The following IGF2BP2 variants were observed in gnomAD, a reference collection of about 807,000 sequenced individuals.
IGF2BP2 encodes the protein insulin like growth factor 2 mRNA binding protein 2.
Under a neutral mutation model 75.8 loss-of-function variants are expected in IGF2BP2, and 17 were observed. The ratio of observed to expected loss-of-function variants is 0.22; its 90% CI spans 0.15 to 0.34. IGF2BP2 has a LOEUF of 0.34. Among genes scored for constraint, IGF2BP2 ranks in the 10% least tolerant of loss-of-function variants. The pLI is 1.00. For missense variants in IGF2BP2, 516 were observed against 772.4 expected (o/e 0.67, Z 3.93); for synonymous variants, 288 against 295.6 (o/e 0.97, Z 0.26).
chr3:185,821,922 C>T (rs1443795654), intron 2 of IGF2BP2, among the ~76,000 whole-genome samples: 1 of 151,886 alleles, frequency 6.6e-6, no homozygotes, highest in Non-Finnish European at 1.5e-5. Context: ...ATTGGTTACA[C>T]GTTACATCTT....
intron 14 of IGF2BP2, among the ~76,000 whole-genome samples, chr3:185,648,246 C>G (rs1330242661): frequency 6.6e-6 from 1 of 152,026 alleles, no homozygotes; most frequent in Non-Finnish European, 1.5e-5. Context: ...CACCTGAGGT[C>G]GGGAGTTCGA....
chr3:185,756,901 T>C (rs990038375), intron 2 of IGF2BP2, among the ~76,000 whole-genome samples: 1 of 152,082 alleles, frequency 6.6e-6, no homozygotes, highest in Admixed American at 6.6e-5. Context: ...GCCCAGGAGT[T>C]TGAAGTTTAC....
chr3:185,707,604 C>T (rs950989241), intron 2 of IGF2BP2, among the ~76,000 whole-genome samples: 4 of 151,954 alleles, frequency 2.6e-5, no homozygotes, highest in African/African-American at 7.2e-5. Context: ...ACCGAAGAGC[C>T]TACTTTTACT....
intron 2 of IGF2BP2, among the ~76,000 whole-genome samples, chr3:185,799,698 G>A (rs1461374310): frequency 3.3e-5 from 5 of 151,816 alleles, no homozygotes; most frequent in Non-Finnish European, 7.4e-5. Context: ...CTTGCAGTGA[G>A]CTGAGATTGC....
intron 2 of IGF2BP2, among the ~76,000 whole-genome samples, chr3:185,814,785 G>C (rs537839682): frequency 6.6e-6 from 1 of 152,196 alleles, no homozygotes; most frequent in East Asian, 1.9e-4. Flanking sequence ...CAAAATGCAT[G>C]AGATAAAAGT....
intron 2 of IGF2BP2, among the ~76,000 whole-genome samples, chr3:185,756,532 T>C (rs559705255): frequency 7.8e-4 from 118 of 152,202 alleles, no homozygotes; most frequent in Non-Finnish European, 1.2e-3. Context: ...CTGCCTCTTT[T>C]TTTTTGGCTT....
Position 185,823,111 on chromosome 3 carries a change from T to TG in IGF2BP2, c.239+41_239+42insC, listed in dbSNP as rs776417135. 164 of 1,383,200 alleles carry TG rather than the reference T, an allele frequency of 1.2e-4. 1 individual carries two copies. Among genetic ancestry groups the TG allele is most frequent in the Non-Finnish European group, 1.6e-4 (155 of 994,086 alleles). The allele number at this position is 1,383,200 out of a possible 1,614,324, so 85.7% of individuals were successfully genotyped here. A position where few individuals can be genotyped will look rare whatever the true frequency, so the allele number is the denominator to read the frequency against. On this transcript the variant is annotated intron_variant, in intron 2 of 15. Coordinates refer to ENST00000382199, the MANE Select transcript of IGF2BP2 (RefSeq NM_006548.6). ...TGTGTGTACGTTTTTTACTTATACG[T>TG]AAGGCCAATCGCAAAAAAAAAACTA...
At chr3:185,753,518 CTG>C (rs1188602861) in intron 2 of IGF2BP2, among the ~76,000 whole-genome samples, 1 of 152,204 alleles carries the variant, frequency 6.6e-6, no homozygotes, top group Non-Finnish European at 1.5e-5. Flanking sequence ...GAGTCTGCCT[CTG>C]TGTCACACGA....
At chr3:185,769,912 T>C (rs1578244877) in intron 2 of IGF2BP2, among the ~76,000 whole-genome samples, 1 of 151,418 alleles carries the variant, frequency 6.6e-6, no homozygotes, top group Admixed American at 6.6e-5. Context: ...GTTTCTGTCA[T>C]GCTTACTATC....
chr3:185,687,322 A>G (rs1721284212), intron 6 of IGF2BP2, 131 bp from the exon 7 acceptor site: 2 of 876,882 alleles, frequency 2.3e-6, no homozygotes, highest in Non-Finnish European at 3.4e-6. Flanking sequence ...GCACGTTTGC[A>G]ATCAGTGCCA....
intron 2 of IGF2BP2, among the ~76,000 whole-genome samples, chr3:185,751,441 G>C (rs1011361166): frequency 2.6e-5 from 4 of 151,920 alleles, no homozygotes; most frequent in African/African-American, 7.3e-5. Context: ...AGCCAGGCAT[G>C]GTGGCGCACG....
intron 2 of IGF2BP2, among the ~76,000 whole-genome samples, chr3:185,707,790 T>C (rs1724256171): frequency 6.6e-6 from 1 of 152,204 alleles, no homozygotes; most frequent in Admixed American, 6.5e-5. Flanking sequence ...TCAAGGTTTG[T>C]ATACAATTCC....
chr3:185,771,460 CTAAATA>C lies in IGF2BP2; in HGVS notation c.239+51687_239+51692del, dbSNP rs1189409752. Among the ~76,000 whole-genome samples the C allele has an allele frequency of 3.4e-3, 508 of 150,518 alleles. 1 individual carries two copies. The highest frequency in any genetic ancestry group is 0.012 in the African/African-American group (488 of 40,892). On this transcript the variant is annotated intron_variant, in intron 2 of 15. Transcript: ENST00000382199. ...GTCTCAAAAAAAAAAAAAAAAGAAT[CTAAATA>C]TAATCACTGTTTTAACTGTTTTACA...
chr3:185,673,501 C>A (rs964245273), intron 9 of IGF2BP2, among the ~76,000 whole-genome samples: 3 of 152,116 alleles, frequency 2.0e-5, no homozygotes, highest in Non-Finnish European at 4.4e-5. Context: ...GATCATCTTG[C>A]TTGCTTGCTT....
intron 10 of IGF2BP2, among the ~76,000 whole-genome samples, chr3:185,666,607 C>T (rs554074560): frequency 1.9e-4 from 29 of 151,524 alleles, no homozygotes; most frequent in Non-Finnish European, 3.5e-4. Context: ...CCAGCCTGGG[C>T]GACAGAGCAA....
chr3:185,816,845 A>G (rs1010783117), intron 2 of IGF2BP2, among the ~76,000 whole-genome samples: 3 of 152,244 alleles, frequency 2.0e-5, no homozygotes, highest in South Asian at 2.1e-4. Flanking sequence ...TTGTTTAAAT[A>G]TCAATACATG....
intron 2 of IGF2BP2, among the ~76,000 whole-genome samples, chr3:185,818,579 T>C (rs937086500): frequency 3.3e-5 from 5 of 152,130 alleles, no homozygotes; most frequent in Non-Finnish European, 7.4e-5. Flanking sequence ...ACAAAAAACA[T>C]ATACACACAC....
At chr3:185,692,566 G>A (rs965163823) in intron 5 of IGF2BP2, 133 bp downstream of exon 5, 5 of 723,182 alleles carry the variant, frequency 6.9e-6, no homozygotes, top group Middle Eastern at 2.5e-4. Flanking sequence ...AGCTCCATGG[G>A]TATGTCAAAG....
chr3:185,665,392 GAGGAGGAGGAGAAGGAAA>G (rs1717266752), intron 10 of IGF2BP2, among the ~76,000 whole-genome samples: 1 of 130,396 alleles, frequency 7.7e-6, no homozygotes, highest in Admixed American at 7.7e-5. Context: ...GGAGGAGAAG[GAGGAGGAGGAGAAGGAAA>G]AGGAGGAGAA....
Sources: gnomAD v4.1 joint callset for allele counts (sites outside exome capture counted in the v4.1 genomes callset) on GRCh38, gnomAD v4.1.1 for gene constraint, MANE v1.5 for transcripts, NCBI Gene and HGNC (gene_info 2026-07-23, HGNC 2026-07-21) for gene names.